The following CALN1 variants were observed in gnomAD, a reference collection of about 807,000 sequenced individuals.
CALN1 encodes the protein calneuron 1, also known as calcium-binding protein 8.
CALN1 carries 17 observed loss-of-function variants against 30.6 expected under a neutral mutation model. The ratio of observed to expected loss-of-function variants is 0.56; its 90% CI spans 0.38 to 0.83. The LOEUF is 0.83. Among genes scored for constraint, CALN1 ranks in the 40% least tolerant of loss-of-function variants. The pLI is 0.00. For synonymous variants in CALN1, 156 were observed against 131.4 expected, an observed-to-expected ratio of 1.19 and a Z score of -1.28; for missense variants, 291 against 354.9, an observed-to-expected ratio of 0.82 and a Z score of 1.45.
At chr7:72,345,224 G>A (rs1802576545) in intron 2 of CALN1, among the ~76,000 whole-genome samples, 1 of 150,402 alleles carries the variant, frequency 6.6e-6, no homozygotes, top group African/African-American at 2.4e-5. Context: ...CTTGGAAAGT[G>A]GAGGCGTCAT....
chr7:72,049,813 CTT>C (rs1361429663), intron 4 of CALN1, among the ~76,000 whole-genome samples: 4 of 71,248 alleles, frequency 5.6e-5, no homozygotes, highest in Admixed American at 1.5e-4. Flanking sequence ...AAGTCTATTT[CTT>C]TTTTTTTTTT....
At chr7:71,870,557 G>T (rs1315598926) in intron 5 of CALN1, among the ~76,000 whole-genome samples, 1 of 152,102 alleles carries the variant, frequency 6.6e-6, no homozygotes, top group Non-Finnish European at 1.5e-5. Context: ...ACAATTAGTG[G>T]CTGTCTTTGA....
intron 4 of CALN1, among the ~76,000 whole-genome samples, chr7:72,102,177 G>A (rs1421170082): frequency 6.6e-6 from 1 of 152,166 alleles, no homozygotes; most frequent in Admixed American, 6.6e-5. Context: ...GGGTGCAGTA[G>A]CTCATGCCTG....
chr7:72,451,205 G>GAAA (rs1808650063), upstream of CALN1, among the ~76,000 whole-genome samples: 2 of 122,752 alleles, frequency 1.6e-5, no homozygotes, highest in Admixed American at 7.9e-5. Context: ...AGAAGAAGAA[G>GAAA]AAGAAGGAGG....
chr7:72,148,643 G>A (rs1192051023), intron 3 of CALN1, among the ~76,000 whole-genome samples: 2 of 150,242 alleles, frequency 1.3e-5, no homozygotes, highest in African/African-American at 2.4e-5. Flanking sequence ...GGTGGCTCAC[G>A]CCTGTAATCC....
intron 2 of CALN1, among the ~76,000 whole-genome samples, chr7:72,294,653 G>A (rs1270223385): frequency 6.6e-6 from 1 of 151,860 alleles, no homozygotes; most frequent in Non-Finnish European, 1.5e-5. Context: ...GGAGACTGAG[G>A]TGGGAGGATC....
the CALN1 span, among the ~76,000 whole-genome samples, chr7:72,474,986 C>T: frequency 2.6e-5 from 4 of 152,266 alleles, no homozygotes; most frequent in East Asian, 1.9e-4. Flanking sequence ...ACTTTGTCCC[C>T]CCCAAGCCTG....
chr7:72,069,409 C>A (rs1186274492), intron 4 of CALN1, among the ~76,000 whole-genome samples: 1 of 152,160 alleles, frequency 6.6e-6, no homozygotes, highest in Non-Finnish European at 1.5e-5. Flanking sequence ...GTTCTGGAGG[C>A]CAGAAGTCTG....
intron 3 of CALN1, among the ~76,000 whole-genome samples, chr7:72,265,871 T>C (rs1025627895): frequency 4.6e-5 from 7 of 152,006 alleles, no homozygotes; most frequent in African/African-American, 1.7e-4. Context: ...CAGTGGCTCA[T>C]ACCTGTAATC....
At chr7:72,052,674 A>G (rs1312105441) in intron 4 of CALN1, among the ~76,000 whole-genome samples, 1 of 152,190 alleles carries the variant, frequency 6.6e-6, no homozygotes, top group Non-Finnish European at 1.5e-5. Context: ...TTGGCAGAGA[A>G]GGCGGATGGA....
At chr7:72,130,461 T>A (rs1809063072) in intron 3 of CALN1, among the ~76,000 whole-genome samples, 1 of 152,172 alleles carries the variant, frequency 6.6e-6, no homozygotes, top group East Asian at 1.9e-4. Flanking sequence ...GTCGGTGGTA[T>A]AGTGGGGAGC....
intron 1 of CALN1, among the ~76,000 whole-genome samples, chr7:72,420,526 T>C (rs1379506870): frequency 6.6e-6 from 1 of 151,266 alleles, no homozygotes; most frequent in African/African-American, 2.4e-5. Context: ...TTTCAGGTCA[T>C]GAGAAATCAC....
At chr7:72,123,838 C>T (rs1175765039) in intron 3 of CALN1, among the ~76,000 whole-genome samples, 1 of 152,208 alleles carries the variant, frequency 6.6e-6, no homozygotes, top group East Asian at 1.9e-4. Flanking sequence ...CCGACTCTCT[C>T]ATTTTGTTTT....
intron 2 of CALN1, among the ~76,000 whole-genome samples, chr7:72,371,486 T>C (rs1585602374): frequency 6.6e-6 from 1 of 152,138 alleles, no homozygotes; most frequent in South Asian, 2.1e-4. Flanking sequence ...TTCCCCCTTT[T>C]GCTTGGCACT....
chr7:71,780,567 A>T lies in CALN1; in HGVS notation c.*7208T>A, dbSNP rs1301744719. 1.3e-5 allele frequency: 2 copies of T among 152,084 alleles called. No individual in the cohort carries two copies. The highest frequency in any genetic ancestry group is 4.8e-5 in the African/African-American group (2 of 41,410). 9.4% of individuals were successfully genotyped at this position (152,084 alleles called of 1,614,324 possible). ...AGCCATTTAAAGGGCTGTCGCAGGT[A>T]GCCGGTCCCCCGCGACTGTTAATCT... On this transcript the variant is annotated 3_prime_UTR_variant, in exon 7 of 7. Coordinates refer to ENST00000395275, the MANE Select transcript of CALN1 (RefSeq NM_031468.4).
intron 1 of CALN1, among the ~76,000 whole-genome samples, chr7:72,409,094 C>T (rs1806918441): frequency 6.6e-6 from 1 of 151,848 alleles, no homozygotes; most frequent in Non-Finnish European, 1.5e-5. Flanking sequence ...CTCCCGGATT[C>T]AAGAGATTCT....
intron 4 of CALN1, among the ~76,000 whole-genome samples, chr7:72,046,709 TAAAAA>T (rs59664699): frequency 2.3e-4 from 12 of 51,844 alleles, no homozygotes; most frequent in South Asian, 2.4e-3. Context: ...GACTCCCTCT[TAAAAA>T]AAAAAAAAAA....
At chr7:72,124,738 A>C (rs1279962428) in intron 3 of CALN1, among the ~76,000 whole-genome samples, 1 of 151,732 alleles carries the variant, frequency 6.6e-6, no homozygotes, top group Non-Finnish European at 1.5e-5. Context: ...AAAAAAAGAA[A>C]CAAAGAAAAA....
intron 5 of CALN1, among the ~76,000 whole-genome samples, chr7:71,897,307 T>C (rs150117206): frequency 2.6e-4 from 39 of 152,322 alleles, no homozygotes; most frequent in Non-Finnish European, 1.5e-5. Context: ...GTAAGCATAA[T>C]TTCATTTTAA....
Sources: gnomAD v4.1 joint callset for allele counts (sites outside exome capture counted in the v4.1 genomes callset) on GRCh38, gnomAD v4.1.1 for gene constraint, MANE v1.5 for transcripts, NCBI Gene and HGNC (gene_info 2026-07-23, HGNC 2026-07-21) for gene names.